NBPF15: variants seen among roughly 807,000 people sequenced by gnomAD.
NBPF15 encodes the protein NBPF member 15.
A neutral mutation model predicts 62.2 loss-of-function variants in NBPF15; 74 were observed. That is an observed-to-expected ratio of 1.19 (90% CI 0.99 to 1.44). The LOEUF (loss-of-function observed/expected upper bound fraction) is 1.44. Among genes scored for constraint, NBPF15 ranks in the 40% most tolerant of loss-of-function variants. The probability of loss-of-function intolerance (pLI) is 0.00; values close to 1 mark genes in which losing one functional copy is unlikely to be tolerated. For missense variants in NBPF15, 790 were observed against 550.0 expected, an observed-to-expected ratio of 1.44 and a Z score of -4.36; for synonymous variants, 244 against 209.7, an observed-to-expected ratio of 1.16 and a Z score of -1.41.
Position 144,459,432 on chromosome 1 carries a change from C to A in NBPF15, c.-767G>T, listed in dbSNP as rs201099459. On this transcript the variant is annotated 5_prime_UTR_variant, in exon 3 of 22. Coordinates refer to ENST00000581897, the MANE Select transcript of NBPF15 (RefSeq NM_001385408.1). ...CCTGAGCCTTGGGAGGTCAAGGTTG[C>A]GGTCAGCTGTGATTGTGCCACTGCA... 6.6e-6 allele frequency: 1 copy of A among 151,894 alleles called. No individual in the cohort carries two copies. The highest frequency in any genetic ancestry group is 1.5e-5 in the Non-Finnish European group (1 of 68,036). 9.4% of individuals were successfully genotyped at this position (151,894 alleles called of 1,614,324 possible). A position where few individuals can be genotyped will look rare whatever the true frequency, so the allele number is the denominator to read the frequency against.
intron 6 of NBPF15, among the ~76,000 whole-genome samples, chr1:144,443,539 A>C (rs1685070051): frequency 6.6e-6 from 1 of 151,808 alleles, no homozygotes; most frequent in South Asian, 2.1e-4. Context: ...TATGCTAACA[A>C]AATTGAGTCT....
At chr1:144,434,421 A>G (rs1441842088) in intron 12 of NBPF15, among the ~76,000 whole-genome samples, 8 of 148,514 alleles carry the variant, frequency 5.4e-5, no homozygotes, top group Non-Finnish European at 8.9e-5. Flanking sequence ...GAATCACTTG[A>G]ATCTGGGAGG....
chr1:144,459,745 G>A (rs1192240277), intron 2 of NBPF15, among the ~76,000 whole-genome samples: 1 of 151,588 alleles, frequency 6.6e-6, no homozygotes, highest in Non-Finnish European at 1.5e-5. Flanking sequence ...TCAATACCAG[G>A]AAAATGCAAA....
chr1:144,453,825 A>T lies in NBPF15; in HGVS notation c.-432+2712T>A, dbSNP rs1692771373. ...AAAACACAAAACGGTGAACACACCAAATGCTGTCAAAGATGAGGAACAACC... is the reference window on the plus strand; with the variant it reads ...AAAACACAAAACGGTGAACACACCATATGCTGTCAAAGATGAGGAACAACC... On this transcript the variant is annotated intron_variant, in intron 4 of 21. Transcript: ENST00000581897. 2.9e-5 allele frequency among the ~76,000 whole-genome samples: 4 copies of T among 137,350 alleles called. No homozygotes were observed. In the South Asian group the frequency reaches 1.0e-3, roughly 34 times the overall value. 90.1% of individuals were successfully genotyped at this position (137,350 alleles called of 152,430 possible).
At chr1:144,451,396 C>A (rs1462387452) in intron 4 of NBPF15, among the ~76,000 whole-genome samples, 1 of 151,346 alleles carries the variant, frequency 6.6e-6, no homozygotes, top group Non-Finnish European at 1.5e-5. Context: ...ATCTCAACTG[C>A]AAAGAGGCCT....
At chr1:144,441,985 G>A (rs1465785778) in intron 6 of NBPF15, among the ~76,000 whole-genome samples, 85 of 148,538 alleles carry the variant, frequency 5.7e-4, no homozygotes, top group African/African-American at 2.0e-3. Flanking sequence ...CACAGGGCGG[G>A]GAACATCACA....
intron 6 of NBPF15, among the ~76,000 whole-genome samples, chr1:144,447,665 G>A (rs1335324506): frequency 2.0e-5 from 3 of 151,990 alleles, no homozygotes; most frequent in Admixed American, 1.3e-4. Flanking sequence ...AATGCCAGGT[G>A]ACACTAATAT....
intron 4 of NBPF15, among the ~76,000 whole-genome samples, chr1:144,453,241 T>C (rs1553545925): frequency 6.6e-6 from 1 of 150,912 alleles, no homozygotes; most frequent in Non-Finnish European, 1.5e-5. Flanking sequence ...ACAGCAAAGA[T>C]AGCCTTTCCA....
At chr1:144,455,604 T>C (rs587741485) in intron 4 of NBPF15, among the ~76,000 whole-genome samples, 39 of 152,100 alleles carry the variant, frequency 2.6e-4, no homozygotes, top group Admixed American at 2.3e-3. Flanking sequence ...CCTTGTCCAC[T>C]CCAGAAGCTT....
chr1:144,428,275 T>A (rs1344387605), intron 15 of NBPF15, among the ~76,000 whole-genome samples: 4 of 151,844 alleles, frequency 2.6e-5, no homozygotes, highest in African/African-American at 9.7e-5. Flanking sequence ...ACACTCTGTA[T>A]TTGTGCTCTC....
At chr1:144,453,638 C>CAAAAAAAAAAAAAAAAAAAAAAAAAAGA (rs200525708) in intron 4 of NBPF15, among the ~76,000 whole-genome samples, 1 of 36,400 alleles carries the variant, frequency 2.7e-5, no homozygotes, top group Non-Finnish European at 7.0e-5. Context: ...CAACACAAAG[C>CAAAAAAAAAAAAAAAAAAAAAAAAAAGA]AAAAAAAAAA....
chr1:144,432,982 C>T (rs1403880398), intron 13 of NBPF15, among the ~76,000 whole-genome samples: 1 of 151,776 alleles, frequency 6.6e-6, no homozygotes, highest in Non-Finnish European at 1.5e-5. Context: ...AACTCTCCAC[C>T]CCAAATCAAC....
intron 6 of NBPF15, chr1:144,442,543 C>G (rs1360334881): frequency 6.6e-6 from 1 of 151,770 alleles, no homozygotes; most frequent in African/African-American, 2.4e-5. Context: ...CCAGCCCAGG[C>G]GGCCCCAACA....
intron 15 of NBPF15, among the ~76,000 whole-genome samples, 174 bp from the exon 16 acceptor site, chr1:144,428,164 G>A (rs1671236428): frequency 6.9e-6 from 1 of 145,278 alleles, no homozygotes; most frequent in Non-Finnish European, 1.5e-5. Context: ...AGGTAGAAAA[G>A]GATGAAAGAG....
chr1:144,455,253 T>G (rs1391900994), intron 4 of NBPF15, among the ~76,000 whole-genome samples: 29 of 112,700 alleles, frequency 2.6e-4, no homozygotes, highest in East Asian at 7.5e-4. Context: ...AGAAAAAGAG[T>G]GGGAGAGAAG....
chr1:144,445,434 C>T (rs1686814572), intron 6 of NBPF15, among the ~76,000 whole-genome samples: 1 of 145,518 alleles, frequency 6.9e-6, no homozygotes, highest in Non-Finnish European at 1.5e-5. Context: ...ATCAATTAGA[C>T]ATACATGTGA....
chr1:144,431,946 T>G (rs1327996021), intron 13 of NBPF15, among the ~76,000 whole-genome samples: 2 of 150,288 alleles, frequency 1.3e-5, no homozygotes, highest in East Asian at 3.9e-4. Context: ...AGTGCCACAA[T>G]AAACATATGT....
intron 17 of NBPF15, among the ~76,000 whole-genome samples, chr1:144,426,789 T>C (rs1670043075): frequency 6.6e-6 from 1 of 151,370 alleles, no homozygotes; most frequent in Admixed American, 6.6e-5. Context: ...TCAATAATTT[T>C]CCATAAACTT....
At chr1:144,457,003 C>T (rs1177357409) in intron 3 of NBPF15, among the ~76,000 whole-genome samples, 198 bp from the exon 4 acceptor site, 5 of 150,694 alleles carry the variant, frequency 3.3e-5, no homozygotes, top group African/African-American at 1.2e-4. Context: ...TAGTAAGACC[C>T]CATCTCTGAA....
Sources: gnomAD v4.1 joint callset for allele counts (sites outside exome capture counted in the v4.1 genomes callset) on GRCh38, gnomAD v4.1.1 for gene constraint, MANE v1.5 for transcripts, NCBI Gene and HGNC (gene_info 2026-07-23, HGNC 2026-07-21) for gene names.